Variants in SYN3 observed in about 807,000 individuals in gnomAD.
The protein encoded by SYN3 is synapsin III, also known as synapsin-3.
A neutral mutation model predicts 65.8 loss-of-function variants in SYN3; 35 were observed. That is an observed-to-expected ratio of 0.53 (90% CI 0.41 to 0.70). The LOEUF (loss-of-function observed/expected upper bound fraction) is 0.70. SYN3 is among the 30% of genes least tolerant of loss of function. The pLI is 0.00. For missense variants in SYN3, 680 were observed against 749.0 expected (o/e 0.91, Z 1.08); for synonymous variants, 270 against 292.9 (o/e 0.92, Z 0.80).
chr22:32,844,302 C>CG (rs1569270010), intron 6 of SYN3, among the ~76,000 whole-genome samples: 1 of 152,168 alleles, frequency 6.6e-6, no homozygotes, highest in African/African-American at 2.4e-5. Flanking sequence ...TTTCTGGAGA[C>CG]ACACCAGTAA....
chr22:32,663,089 G>A (rs1054469517), intron 6 of SYN3, among the ~76,000 whole-genome samples: 1 of 152,146 alleles, frequency 6.6e-6, no homozygotes, highest in African/African-American at 2.4e-5. Context: ...AGTAGAGGGG[G>A]TTGGAAGAAT....
chr22:32,629,055 G>A (rs948583996), intron 6 of SYN3, among the ~76,000 whole-genome samples: 5 of 152,224 alleles, frequency 3.3e-5, no homozygotes, highest in East Asian at 1.9e-4. Context: ...TTATGAGCTC[G>A]GAGCCTGAGA....
At chr22:32,950,055 T>C (rs1278274746) in intron 3 of SYN3, among the ~76,000 whole-genome samples, 1 of 152,168 alleles carries the variant, frequency 6.6e-6, no homozygotes, top group African/African-American at 2.4e-5. Context: ...TTCCTGTCAG[T>C]TGGTGAAGAA....
intron 7 of SYN3, among the ~76,000 whole-genome samples, chr22:32,555,892 T>C (rs2058488267): frequency 1.3e-5 from 2 of 152,174 alleles, no homozygotes; most frequent in African/African-American, 4.8e-5. Context: ...CCCAGGAAAT[T>C]CTTAACCAGC....
chr22:32,926,861 A>G (rs1305576889), intron 4 of SYN3, among the ~76,000 whole-genome samples: 1 of 152,212 alleles, frequency 6.6e-6, no homozygotes, highest in Non-Finnish European at 1.5e-5. Context: ...CAGAAGATGC[A>G]CAGGCATTTA....
rs79656031 is a variant in SYN3, at chr22:32,686,334, G to A, written c.712-89598C>T. ...GTGACAGCTGCCACTCAACTCTGCC[G>A]ACCATCGCCATGTGGGGATCTGACG... On this transcript the variant is annotated intron_variant, in intron 6 of 13. Coordinates refer to ENST00000358763, the MANE Select transcript of SYN3 (RefSeq NM_003490.4). Among the ~76,000 whole-genome samples, 328 of 151,974 alleles carry A rather than the reference G, an allele frequency of 2.2e-3. 5 individuals are homozygous for A. The East Asian group carries it at 0.038, about 18-fold the overall frequency.
chr22:32,692,117 T>C (rs2060669524), intron 6 of SYN3, among the ~76,000 whole-genome samples: 2 of 148,380 alleles, frequency 1.3e-5, no homozygotes, highest in Admixed American at 1.3e-4. Context: ...TTGTTTGCTT[T>C]TGTTTGTCAT....
intron 6 of SYN3, among the ~76,000 whole-genome samples, chr22:32,690,566 G>A (rs947510574): frequency 2.0e-5 from 3 of 152,064 alleles, no homozygotes; most frequent in Non-Finnish European, 4.4e-5. Flanking sequence ...CTTTCCCTGT[G>A]CTCAGGAGCT....
chr22:32,855,206 T>TA (rs1327180286), intron 6 of SYN3, among the ~76,000 whole-genome samples: 3 of 152,206 alleles, frequency 2.0e-5, no homozygotes, highest in South Asian at 2.1e-4. Context: ...CCGCCCCCGT[T>TA]ACCAAATCTC....
chr22:32,959,214 G>A (rs1042968742), intron 3 of SYN3, among the ~76,000 whole-genome samples: 2 of 151,942 alleles, frequency 1.3e-5, no homozygotes, highest in East Asian at 1.9e-4. Flanking sequence ...AGGGGTTTCC[G>A]CTTTTGCATC....
At chr22:32,858,909 C>T (rs2048455498) in intron 6 of SYN3, among the ~76,000 whole-genome samples, 1 of 152,198 alleles carries the variant, frequency 6.6e-6, no homozygotes. Context: ...CTGCTACTTA[C>T]TGGCTGTGTG....
intron 10 of SYN3, among the ~76,000 whole-genome samples, chr22:32,529,474 A>G (rs2058035490): frequency 1.3e-5 from 2 of 152,146 alleles, no homozygotes; most frequent in African/African-American, 4.8e-5. Flanking sequence ...GGTTCAGAGG[A>G]AAGAGGGAAG....
At chr22:32,531,143 C>T (rs1314576361) in intron 10 of SYN3, among the ~76,000 whole-genome samples, 2 of 120,900 alleles carry the variant, frequency 1.7e-5, no homozygotes, top group East Asian at 4.5e-4. Context: ...AATGAGACCC[C>T]GTCTCAAAAA....
At chr22:32,752,832 T>C (rs957799796) in intron 6 of SYN3, among the ~76,000 whole-genome samples, 1 of 152,124 alleles carries the variant, frequency 6.6e-6, no homozygotes, top group African/African-American at 2.4e-5. Context: ...ATGCCATGTT[T>C]TACCATGGGG....
Position 32,842,217 on chromosome 22 carries a change from GATCACTTCTCCA to G in SYN3, c.711+22686_711+22697del, listed in dbSNP as rs547112183. Among the ~76,000 whole-genome samples the G allele has an allele frequency of 3.4e-3, 519 of 152,262 alleles. 14 individuals are homozygous for G. Among genetic ancestry groups the G allele is most frequent in the Admixed American group, 0.032 (484 of 15,300 alleles). On this transcript the variant is annotated intron_variant, in intron 6 of 13. Transcript: ENST00000358763. The stretch of plus-strand genomic sequence containing the variant: ...CCTGTTTTTCATTCCAGTACGCCGT[GATCACTTCTCCA>G]GTTTTCTTGATCTGTCCTTTCAGCT...
At chr22:32,876,894 A>G (rs1258790022) in intron 4 of SYN3, among the ~76,000 whole-genome samples, 3 of 152,374 alleles carry the variant, frequency 2.0e-5, no homozygotes, top group African/African-American at 7.2e-5. Context: ...CAGTTTGTGC[A>G]TTTACTAAAA....
chr22:33,050,445 G>T (rs553847909), intron 1 of SYN3, among the ~76,000 whole-genome samples: 1 of 141,486 alleles, frequency 7.1e-6, no homozygotes, highest in African/African-American at 2.7e-5. Flanking sequence ...TCATGCCACC[G>T]CACTCCAGCC....
intron 6 of SYN3, among the ~76,000 whole-genome samples, chr22:32,836,529 T>C (rs1049115959): frequency 1.3e-5 from 2 of 152,256 alleles, no homozygotes; most frequent in Admixed American, 6.5e-5. Context: ...TAAAAGGATT[T>C]GGATCTTCTC....
chr22:32,864,916 A>G lies in SYN3; in HGVS notation c.710T>C (p.Met237Thr). Reference protein sequence around the residue: ...EQTFFPNHKPMVTAPHFPVVV... With the variant: ...EQTFFPNHKPTVTAPHFPVVV... ...AACAGAGTAAAAAAGGGCACTCACC[A>G]TTGGCTTATGGTTGGGGAAAAATGT... The change falls in exon 6 of 14, where the codon ATG becomes ACG. Residue 237 changes from methionine to threonine, a missense_variant and splice_region_variant. Transcript: ENST00000358763. The G allele has an allele frequency of 1.2e-6, 2 of 1,613,714 alleles. No homozygotes were observed. The highest frequency in any genetic ancestry group is 2.2e-5 in the South Asian group (2 of 91,076).
Sources: gnomAD v4.1 joint callset for allele counts (sites outside exome capture counted in the v4.1 genomes callset) on GRCh38, gnomAD v4.1.1 for gene constraint, MANE v1.5 for transcripts, NCBI Gene and HGNC (gene_info 2026-07-23, HGNC 2026-07-21) for gene names.